C2CD5: variants seen among roughly 807,000 people sequenced by gnomAD.
C2CD5 encodes the protein C2 calcium dependent domain containing 5.
A neutral mutation model predicts 130.3 loss-of-function variants in C2CD5; 109 were observed. The observed-to-expected ratio is 0.84, with a 90% CI of 0.72 to 0.98. The LOEUF is 0.98. Among genes scored for constraint, C2CD5 ranks in the 50% least tolerant of loss-of-function variants. The pLI is 0.00. For missense variants in C2CD5, 996 were observed against 1,261.8 expected, an observed-to-expected ratio of 0.79 and a Z score of 3.19; for synonymous variants, 454 against 429.2, an observed-to-expected ratio of 1.06 and a Z score of -0.71.
intron 9 of C2CD5, among the ~76,000 whole-genome samples, chr12:22,507,900 T>C (rs181736339): frequency 9.4e-4 from 143 of 152,342 alleles, no homozygotes; most frequent in African/African-American, 3.4e-3. Context: ...ATTCATACTA[T>C]ATTATAGTAG....
At chr12:22,480,760 T>G (rs1045245894) in intron 14 of C2CD5, among the ~76,000 whole-genome samples, 4 of 152,142 alleles carry the variant, frequency 2.6e-5, no homozygotes, top group African/African-American at 4.8e-5. Flanking sequence ...ACCACTGAAT[T>G]AAAATAACCA....
At chr12:22,518,315 G>C (rs190871315) in intron 7 of C2CD5, among the ~76,000 whole-genome samples, 178 bp from the exon 8 acceptor site, 1 of 152,172 alleles carries the variant, frequency 6.6e-6, no homozygotes, top group East Asian at 1.9e-4. Flanking sequence ...TCACTCTCCA[G>C]ATAAATATTA....
chr12:22,513,424 A>G (rs1949406984), intron 8 of C2CD5, 45 bp from the exon 9 acceptor site: 1 of 1,216,598 alleles, frequency 8.2e-7, no homozygotes, highest in African/African-American at 1.5e-5. Flanking sequence ...AAGCAACTAT[A>G]GAAACAAAGT....
At chr12:22,506,129 G>A (rs1438943555) in intron 10 of C2CD5, among the ~76,000 whole-genome samples, 1 of 152,094 alleles carries the variant, frequency 6.6e-6, no homozygotes, top group African/African-American at 2.4e-5. Flanking sequence ...CCCATGGACT[G>A]GTTTGGTTCC....
intron 3 of C2CD5, among the ~76,000 whole-genome samples, chr12:22,529,487 ACAAC>A (rs1191473126): frequency 1.3e-5 from 2 of 152,138 alleles, no homozygotes; most frequent in African/African-American, 4.8e-5. Context: ...TGCTATACTA[ACAAC>A]TAAGTGACTA....
chr12:22,531,930 CTAAT>C (rs1346518248), intron 3 of C2CD5, among the ~76,000 whole-genome samples: 4 of 152,290 alleles, frequency 2.6e-5, no homozygotes, highest in Non-Finnish European at 4.4e-5. Context: ...ACCACTCAGA[CTAAT>C]TAAACTATAC....
chr12:22,535,076 T>C (rs1484537708), intron 3 of C2CD5, 182 bp downstream of exon 3: 2 of 562,656 alleles, frequency 3.6e-6, no homozygotes, highest in African/African-American at 1.9e-5. Flanking sequence ...TATCATATAC[T>C]GTATTTTCTT....
chr12:22,472,483 G>A, intron 17 of C2CD5, 136 bp from the exon 18 acceptor site: 1 of 625,808 alleles, frequency 1.6e-6, no homozygotes, highest in Non-Finnish European at 2.8e-6. Context: ...ATACCTGCAG[G>A]AGACTTTAAA....
intron 9 of C2CD5, chr12:22,512,813 C>T (rs1381713996): frequency 3.8e-6 from 2 of 525,622 alleles, no homozygotes; most frequent in Non-Finnish European, 6.5e-6. Flanking sequence ...ATGCATTATA[C>T]TGAATAACCA....
chr12:22,471,835 G>C (rs933544696), intron 19 of C2CD5, 132 bp downstream of exon 19: 2 of 605,042 alleles, frequency 3.3e-6, no homozygotes, highest in African/African-American at 3.8e-5. Context: ...CCCGCTGATA[G>C]AGGTAAGGTA....
chr12:22,487,403 A>C (rs535108392), intron 12 of C2CD5, among the ~76,000 whole-genome samples: 2 of 152,252 alleles, frequency 1.3e-5, no homozygotes, highest in Non-Finnish European at 2.9e-5. Context: ...ATATGAACAG[A>C]CATTTCTCAA....
At chr12:22,497,613 GAAGATAAATTTCCCCTAATGAAA>G (rs1229528342) in intron 10 of C2CD5, 1 of 972,226 alleles carries the variant, frequency 1.0e-6, no homozygotes, top group Non-Finnish European at 1.2e-6. Context: ...ACCTCTTGAA[GAAGATAAATTTCCCCTAATGAAA>G]AAGAAATTAG....
chr12:22,479,053 A>G (rs756702108), intron 14 of C2CD5, among the ~76,000 whole-genome samples: 1 of 151,784 alleles, frequency 6.6e-6, no homozygotes, highest in Non-Finnish European at 1.5e-5. Context: ...ATACCCAATT[A>G]TATTTTTTAT....
chr12:22,471,453 G>A lies in C2CD5; in HGVS notation c.2304C>T (p.Cys768=), dbSNP rs756508560. Residue 768 remains cysteine, a synonymous_variant, in exon 20 of 27, where the codon TGC becomes TGT. Coordinates refer to ENST00000446597, the MANE Select transcript of C2CD5 (RefSeq NM_001286176.2). ...CTGTAAAATTTACATGGCAAAGGCAGCAGGGGATCATAGATCGTAGTTTAA... is the reference window on the plus strand; with the variant it reads ...CTGTAAAATTTACATGGCAAAGGCAACAGGGGATCATAGATCGTAGTTTAA... ...LYFKLRSMIP[C]CLCHVNFTVS... 2.4e-5 allele frequency: 39 copies of A among 1,598,692 alleles called. No individual in the cohort carries two copies. The South Asian group carries it at 3.3e-4, about 14-fold the overall frequency.
intron 9 of C2CD5, among the ~76,000 whole-genome samples, chr12:22,509,997 G>C (rs1949010995): frequency 6.6e-6 from 1 of 152,058 alleles, no homozygotes; most frequent in African/African-American, 2.4e-5. Flanking sequence ...CTGAGGTTAG[G>C]AGTTCAAGAC....
chr12:22,527,328 A>AT (rs1418166575), intron 4 of C2CD5, among the ~76,000 whole-genome samples: 4 of 130,584 alleles, frequency 3.1e-5, no homozygotes, highest in African/African-American at 1.0e-4. Context: ...ATATATATAT[A>AT]TATTTTTTTT....
chr12:22,495,563 A>T (rs1303370380), intron 10 of C2CD5, among the ~76,000 whole-genome samples: 1 of 151,740 alleles, frequency 6.6e-6, no homozygotes. Context: ...AAACAAACGA[A>T]CAAAAAAAAA....
Position 22,522,593 on chromosome 12 carries a change from T to C in C2CD5, c.800+833A>G, listed in dbSNP as rs190622437. Among the ~76,000 whole-genome samples, 250 of 152,192 alleles carry C rather than the reference T, an allele frequency of 1.6e-3. 1 individual carries two copies. Among genetic ancestry groups the C allele is most frequent in the African/African-American group, 5.6e-3 (233 of 41,538 alleles). ...GAGATTGTATGGGCAGACCCTAAAG[T>C]ATTGGCCTTTCCCAGAAAAAGTTTG... is the stretch of plus-strand genomic sequence containing the variant. On this transcript the variant is annotated intron_variant, in intron 7 of 26. Coordinates refer to ENST00000446597, the MANE Select transcript of C2CD5 (RefSeq NM_001286176.2).
At chr12:22,493,674 TTCTACA>T (rs774552765) in intron 10 of C2CD5, among the ~76,000 whole-genome samples, 31 of 152,192 alleles carry the variant, frequency 2.0e-4, no homozygotes, top group South Asian at 4.1e-4. Context: ...TAAGAGGATA[TTCTACA>T]TCTCACCTCA....
Sources: allele counts gnomAD v4.1 joint callset (sites outside exome capture counted in the v4.1 genomes callset), GRCh38; gene constraint gnomAD v4.1.1; transcripts MANE v1.5; gene names NCBI Gene and HGNC (gene_info 2026-07-23, HGNC 2026-07-21).